The following EIF5 variants were observed in gnomAD, a reference collection of about 807,000 sequenced individuals.
EIF5 encodes eukaryotic translation initiation factor 5.
Under a neutral mutation model 48.3 loss-of-function variants are expected in EIF5, and 10 were observed. That is an observed-to-expected ratio of 0.21 (90% CI 0.13 to 0.35). The LOEUF is 0.35. EIF5 is among the 10% of genes least tolerant of loss of function. EIF5 has a pLI of 1.00. For missense variants in EIF5, 397 were observed against 533.2 expected, an observed-to-expected ratio of 0.74 and a Z score of 2.51; for synonymous variants, 237 against 173.1, an observed-to-expected ratio of 1.37 and a Z score of -2.90.
At chr14:103,337,027 T>G in intron 5 of EIF5, 89 bp from the exon 6 acceptor site, 1 of 1,379,630 alleles carries the variant, frequency 7.2e-7, no homozygotes, top group Non-Finnish European at 9.8e-7. Context: ...AAAGTTTTCT[T>G]TGCATGTGAA....
chr14:103,338,346 A>C lies in EIF5; in HGVS notation c.459A>C (p.Thr153=), dbSNP rs761417714. 6.2e-7 allele frequency: 1 copy of C among 1,614,108 alleles called. No homozygotes were observed. Among genetic ancestry groups the C allele is most frequent in the South Asian group, 1.1e-5 (1 of 91,076 alleles). The change falls in exon 7 of 12, where the codon ACA becomes ACC. Residue 153 remains threonine (T), a synonymous_variant. Coordinates refer to ENST00000216554, the MANE Select transcript of EIF5 (RefSeq NM_001969.5). ...CTGTAGAGAATAGTGACAGTGGTACAGGAAAGAAAGAAAAAGAAAAGAAAA... is the reference window on the plus strand; with the variant it reads ...CTGTAGAGAATAGTGACAGTGGTACCGGAAAGAAAGAAAAAGAAAAGAAAA... ...KNPPENSDSG[T]GKKEKEKKNR...
rs1011174547 is a variant in EIF5, at chr14:103,338,373, CAGAA to C, written c.489_492del (p.Lys164AlafsTer62). The C allele has an allele frequency of 3.1e-6, 5 of 1,613,732 alleles. No homozygotes were observed. Among genetic ancestry groups the C allele is most frequent in the Non-Finnish European group, 4.2e-6 (5 of 1,179,900 alleles). ...GAAAGAAAGAAAAAGAAAAGAAAAA[CAGAA>C]AGGGCAAAGACAAGGAAAATGGCTC... On this transcript the variant is annotated frameshift_variant, in exon 7 of 12. Coordinates refer to ENST00000216554, the MANE Select transcript of EIF5 (RefSeq NM_001969.5). LOFTEE classifies it high-confidence loss of function.
At position 103,335,803 on chromosome 14, in the gene EIF5, C is replaced by G; in HGVS notation, c.-58C>G. On this transcript the variant is annotated 5_prime_UTR_variant, in exon 3 of 12. Coordinates refer to ENST00000216554, the MANE Select transcript of EIF5 (RefSeq NM_001969.5). ...CCCTTCTTCTCCAGACAGAAGATAC[C>G]AAAAAGTTGCAATCAAAGATCTCTT... The G allele has an allele frequency of 6.3e-7, 1 of 1,586,018 alleles. No individual in the cohort carries two copies. Among genetic ancestry groups the G allele is most frequent in the South Asian group, 1.1e-5 (1 of 90,360 alleles).
At position 103,335,676 on chromosome 14, in the gene EIF5, C is replaced by T; in HGVS notation, c.-185C>T. 1.6e-6 allele frequency: 1 copy of T among 606,456 alleles called. No homozygotes were observed. Among genetic ancestry groups the T allele is most frequent in the Non-Finnish European group, 2.9e-6 (1 of 341,140 alleles). 37.6% of individuals were successfully genotyped at this position (606,456 alleles called of 1,614,324 possible). ...AGAGCTGTTGCGCAGCCATTGGTAC[C>T]TGTATTGGGGAAACATAGCATACAA... On this transcript the variant is annotated 5_prime_UTR_variant, in exon 3 of 12. Coordinates refer to ENST00000216554, the MANE Select transcript of EIF5 (RefSeq NM_001969.5).
At chr14:103,337,075 T>G (rs988990639) in intron 5 of EIF5, 41 bp from the exon 6 acceptor site, 17 of 1,555,694 alleles carry the variant, frequency 1.1e-5, no homozygotes, top group Middle Eastern at 2.3e-4. Context: ...TTAGATATTT[T>G]CATGTTATAT....
At position 103,341,274 on chromosome 14, in the gene EIF5, G is replaced by GT. The variant is rs975825403; in HGVS notation, c.*225dup. ...GATGTAGTTTGCTTATTTATAGCAT[G>GT]TTTCTTTTTGAAAAACTAGTGGTGG... On this transcript the variant is annotated 3_prime_UTR_variant, in exon 12 of 12. Transcript: ENST00000216554. 2.0e-5 allele frequency: 9 copies of GT among 450,084 alleles called. No individual in the cohort carries two copies. The highest frequency in any genetic ancestry group is 7.0e-5 in the Admixed American group (2 of 28,400). The allele number at this position is 450,084 out of a possible 1,614,324, so 27.9% of individuals were successfully genotyped here.
At position 103,339,240 on chromosome 14, in the gene EIF5, T is replaced by C. The variant is rs747468516; in HGVS notation, c.813T>C (p.Asp271=). 3 of 1,613,324 alleles carry C rather than the reference T, an allele frequency of 1.9e-6. No individual in the cohort carries two copies. In the African/African-American group the frequency reaches 4.0e-5, roughly 22 times the overall value. ...KEIVAEAERL[D]VKAMGPLVLT... Reference sequence around the variant, plus strand: ...TCGTTGCTGAAGCAGAAAGACTGGATGTAAAAGCCATGGGCCCTCTTGTTC... The same window carrying C: ...TCGTTGCTGAAGCAGAAAGACTGGACGTAAAAGCCATGGGCCCTCTTGTTC... The change falls in exon 9 of 12, where the codon GAT becomes GAC. Residue 271 remains aspartate (D), a synonymous_variant. Coordinates refer to ENST00000216554, the MANE Select transcript of EIF5 (RefSeq NM_001969.5).
At chr14:103,339,575 G>T in intron 9 of EIF5, 64 bp from the exon 10 acceptor site, 1 of 1,604,758 alleles carries the variant, frequency 6.2e-7, no homozygotes, top group Non-Finnish European at 8.5e-7. Context: ...TCTTATTTGG[G>T]TAATAGAGTT....
rs1306084829 is a variant in EIF5 at position 103,344,571 on chromosome 14, C to A, written c.*3519C>A. 1 of 152,184 alleles carries A rather than the reference C, an allele frequency of 6.6e-6. No individual in the cohort carries two copies. Among genetic ancestry groups the A allele is most frequent in the African/African-American group, 2.4e-5 (1 of 41,412 alleles). 9.4% of individuals were successfully genotyped at this position (152,184 alleles called of 1,614,324 possible). The stretch of plus-strand genomic sequence containing the variant: ...TTTCCATATCTGCTGGGGGTGGAGA[C>A]CCTTATGTGCAGCACTCAATCCCAC... On this transcript the variant is annotated 3_prime_UTR_variant, in exon 12 of 12. Transcript: ENST00000216554.
Position 103,335,676 on chromosome 14 carries a change from C to CA in EIF5, c.-185_-184insA, listed in dbSNP as rs2089276720. 9.9e-6 allele frequency: 6 copies of CA among 606,456 alleles called. No homozygotes were observed. The East Asian group carries it at 1.7e-4, about 17-fold the overall frequency. The allele number at this position is 606,456 out of a possible 1,614,324, so 37.6% of individuals were successfully genotyped here. ...AGAGCTGTTGCGCAGCCATTGGTACCTGTATTGGGGAAACATAGCATACAA... is the reference window on the plus strand; with the variant it reads ...AGAGCTGTTGCGCAGCCATTGGTACCATGTATTGGGGAAACATAGCATACAA... On this transcript the variant is annotated 5_prime_UTR_variant, in exon 3 of 12. In the 5' UTR this introduces an upstream ATG that the reference lacks. Coordinates refer to ENST00000216554, the MANE Select transcript of EIF5 (RefSeq NM_001969.5).
Position 103,344,168 on chromosome 14 carries a change from C to G in EIF5, c.*3116C>G, listed in dbSNP as rs553870213. 7.9e-5 allele frequency: 12 copies of G among 152,276 alleles called. No homozygotes were observed. Among genetic ancestry groups the G allele is most frequent in the African/African-American group, 2.9e-4 (12 of 41,536 alleles). 9.4% of individuals were successfully genotyped at this position (152,276 alleles called of 1,614,324 possible). On this transcript the variant is annotated 3_prime_UTR_variant, in exon 12 of 12. Transcript: ENST00000216554. ...TGACAGCAAATGACTTGCAGGTAGT[C>G]TCATTGTAGGTTTGTGCACCAGAGT...
Position 103,339,656 on chromosome 14 carries a change from A to C in EIF5, c.924A>C (p.Lys308Asn), listed in dbSNP as rs765363519. 6.2e-7 allele frequency: 1 copy of C among 1,614,240 alleles called. No homozygotes were observed. The change falls in exon 10 of 12, where the codon AAA (lysine) becomes AAC (asparagine). Residue 308 changes from lysine (K) to asparagine (N), a missense_variant. Coordinates refer to ENST00000216554, the MANE Select transcript of EIF5 (RefSeq NM_001969.5). ...RHFLRFCHNN[K>N]KAQRYLLHGL... is the part of the protein sequence containing the mutation. ...ATTTGCAGTTTTGTCACAACAACAAAAAAGCCCAACGGTACCTTCTTCATG... is the reference window on the plus strand; with the variant it reads ...ATTTGCAGTTTTGTCACAACAACAACAAAGCCCAACGGTACCTTCTTCATG...
chr14:103,338,874 T>G lies in EIF5; in HGVS notation c.725T>G (p.Ile242Ser). 6.2e-7 allele frequency: 1 copy of G among 1,613,780 alleles called. No individual in the cohort carries two copies. The highest frequency in any genetic ancestry group is 8.5e-7 in the Non-Finnish European group (1 of 1,179,914). Residue 242 changes from isoleucine to serine, a missense_variant, in exon 8 of 12, where the codon ATC (isoleucine) becomes AGC (serine). Ile to Ser is a moderately radical substitution (Grantham distance 142, BLOSUM62 -2). This residue lies in a region of EIF5 where 126 missense variants were observed against 141.9 expected (regional missense o/e 0.89). Transcript: ENST00000216554. ...LERTIEERVN[I>S]LFDFVKKKKE... ...AGAACAATTGAGGAGAGGGTCAATA[T>G]CCTCTTTGATTTTGTTAAGGTAAAA...
At position 103,338,933 on chromosome 14, in the gene EIF5, G is replaced by GC. The variant is rs1566722217; in HGVS notation, c.744+42dup. 2.5e-6 allele frequency: 4 copies of GC among 1,600,584 alleles called. No homozygotes were observed. The East Asian group carries it at 8.9e-5, about 36-fold the overall frequency. On this transcript the variant is annotated intron_variant, in intron 8 of 11. Coordinates refer to ENST00000216554, the MANE Select transcript of EIF5 (RefSeq NM_001969.5). ...TGGTCTGTAAATCAGCTTCAACCCAGCCTTGTTTGTGCCTTTAGATATATG... is the reference window on the plus strand; with the variant it reads ...TGGTCTGTAAATCAGCTTCAACCCAGCCCTTGTTTGTGCCTTTAGATATATG...
rs1468530281 is a variant in EIF5 at position 103,338,857 on chromosome 14, T to TGAG, written c.712_714dup (p.Glu238dup). ...TCAGTGATGATTTGGAAAGAACAAT[T>TGAG]GAGGAGAGGGTCAATATCCTCTTTG... is the stretch of plus-strand genomic sequence containing the variant. On this transcript the variant is annotated inframe_insertion, in exon 8 of 12. Transcript: ENST00000216554. The TGAG allele has an allele frequency of 6.2e-7, 1 of 1,614,178 alleles. No individual in the cohort carries two copies. Among genetic ancestry groups the TGAG allele is most frequent in the Non-Finnish European group, 8.5e-7 (1 of 1,180,020 alleles).
At position 103,344,627 on chromosome 14, in the gene EIF5, G is replaced by T. The variant is rs1292254923; in HGVS notation, c.*3575G>T. 1 of 152,208 alleles carries T rather than the reference G, an allele frequency of 6.6e-6. No homozygotes were observed. The allele number at this position is 152,208 out of a possible 1,614,324, so 9.4% of individuals were successfully genotyped here. ...GCCTAATGCTGCAGTCAGAAGCAAT[G>T]CCTGGCTGGGGCAGTAGGGGAAATT... On this transcript the variant is annotated 3_prime_UTR_variant, in exon 12 of 12. Transcript: ENST00000216554.
rs1392322726 is a variant in EIF5 at position 103,343,486 on chromosome 14, G to C, written c.*2434G>C. 6.6e-6 allele frequency: 1 copy of C among 152,216 alleles called. No individual in the cohort carries two copies. The highest frequency in any genetic ancestry group is 1.5e-5 in the Non-Finnish European group (1 of 68,050). The allele number at this position is 152,216 out of a possible 1,614,324, so 9.4% of individuals were successfully genotyped here. A position where few individuals can be genotyped will look rare whatever the true frequency, so the allele number is the denominator to read the frequency against. On this transcript the variant is annotated 3_prime_UTR_variant, in exon 12 of 12. Coordinates refer to ENST00000216554, the MANE Select transcript of EIF5 (RefSeq NM_001969.5). ...TATCTCTAGTTAAGAATGAGGGAAT[G>C]GGGAGGTTTGCTTTCTAAACAAGTG...
At chr14:103,339,994 G>C (rs1472887144) in intron 10 of EIF5, among the ~76,000 whole-genome samples, 191 bp downstream of exon 10, 1 of 152,172 alleles carries the variant, frequency 6.6e-6, no homozygotes, top group Non-Finnish European at 1.5e-5. Context: ...AAGTAGCTGG[G>C]ATTACAGGCA....
In EIF5 at chr14:103,343,261, CT is replaced by C. The variant is rs1369410543; in HGVS notation, c.*2212del. 5 of 152,280 alleles carry C rather than the reference CT, an allele frequency of 3.3e-5. No individual in the cohort carries two copies. The highest frequency in any genetic ancestry group is 9.6e-5 in the African/African-American group (4 of 41,526). The allele number at this position is 152,280 out of a possible 1,614,324, so 9.4% of individuals were successfully genotyped here. On this transcript the variant is annotated 3_prime_UTR_variant, in exon 12 of 12. Transcript: ENST00000216554. ...AATCTGCCCTGTTTTGTAGCCGTTG[CT>C]TTGGATTTGTGTTGGATGTATCCTG... is the stretch of plus-strand genomic sequence containing the variant.
Sources: allele counts gnomAD v4.1 joint callset (sites outside exome capture counted in the v4.1 genomes callset), GRCh38; gene constraint gnomAD v4.1.1; regional missense constraint gnomAD v4.1.1; transcripts MANE v1.5; gene names NCBI Gene and HGNC (gene_info 2026-07-23, HGNC 2026-07-21).